The following HELZ variants were observed in gnomAD, a reference collection of about 807,000 sequenced individuals.
HELZ encodes helicase with zinc finger.
A neutral mutation model predicts 218.2 loss-of-function variants in HELZ; 23 were observed. That is an observed-to-expected ratio of 0.11 (90% confidence interval 0.08 to 0.15). HELZ has a LOEUF of 0.15. Ranked by LOEUF, HELZ falls within the 10% of genes least tolerant of loss-of-function variation. HELZ has a pLI of 1.00. For missense variants in HELZ, 1,813 were observed against 2,353.7 expected, an observed-to-expected ratio of 0.77 and a Z score of 4.75; for synonymous variants, 814 against 829.4, an observed-to-expected ratio of 0.98 and a Z score of 0.32.
chr17:67,233,116 G>A (rs912551291), intron 3 of HELZ, among the ~76,000 whole-genome samples: 2 of 152,190 alleles, frequency 1.3e-5, no homozygotes, highest in Non-Finnish European at 2.9e-5. Flanking sequence ...CTTAGGCGAA[G>A]AAGCGAGACT....
intron 32 of HELZ, among the ~76,000 whole-genome samples, chr17:67,082,855 T>G (rs942480765): frequency 2.7e-5 from 4 of 149,994 alleles, no homozygotes; most frequent in African/African-American, 4.9e-5. Context: ...CTGTTTTTTT[T>G]TTTTGTTTTT....
chr17:67,206,560 T>C (rs2040301824), intron 5 of HELZ, among the ~76,000 whole-genome samples: 1 of 151,938 alleles, frequency 6.6e-6, no homozygotes, highest in Non-Finnish European at 1.5e-5. Context: ...GTTGAGTACA[T>C]ATTCTCTACT....
chr17:67,233,661 T>G (rs1037318997), intron 3 of HELZ, among the ~76,000 whole-genome samples: 1 of 152,180 alleles, frequency 6.6e-6, no homozygotes, highest in Non-Finnish European at 1.5e-5. Flanking sequence ...AAAATTCTGA[T>G]TTCAACTTTC....
At chr17:67,149,657 GT>G (rs1390353868) in intron 19 of HELZ, among the ~76,000 whole-genome samples, 1 of 152,018 alleles carries the variant, frequency 6.6e-6, no homozygotes, top group African/African-American at 2.4e-5. Flanking sequence ...AATTATAACA[GT>G]GACAGACTAT....
intron 2 of HELZ, among the ~76,000 whole-genome samples, chr17:67,241,244 AT>A (rs1279331406): frequency 1.3e-5 from 2 of 152,224 alleles, no homozygotes; most frequent in South Asian, 2.1e-4. Context: ...TTTGCTTATA[AT>A]TTTTTAAGTA....
Position 67,107,631 on chromosome 17 carries a change from T to C in HELZ, c.4779A>G (p.Glu1593=), listed in dbSNP as rs761016407. ...ATTGAGGTGGTGGCATTTCAGCTAGTTCCCGTGTTTCACTTTGATCACGAT... is the reference window on the plus strand; with the variant it reads ...ATTGAGGTGGTGGCATTTCAGCTAGCTCCCGTGTTTCACTTTGATCACGAT... ...LSHRDQSETR[E]LAEMPPPQSR... is the part of the protein sequence containing the mutation. Residue 1593 remains glutamate, a synonymous_variant, in exon 31 of 33, where the codon GAA becomes GAG. Coordinates refer to ENST00000358691, the MANE Select transcript of HELZ (RefSeq NM_014877.4). 1 of 1,614,140 alleles carries C rather than the reference T, an allele frequency of 6.2e-7. No individual in the cohort carries two copies. The highest frequency in any genetic ancestry group is 8.5e-7 in the Non-Finnish European group (1 of 1,180,006).
At chr17:67,200,976 G>A (rs2040153503) in intron 7 of HELZ, 153 bp downstream of exon 7, 1 of 677,774 alleles carries the variant, frequency 1.5e-6, no homozygotes, top group Non-Finnish European at 2.7e-6. Context: ...TGGGTTATGG[G>A]GGTTACGAGG....
intron 24 of HELZ, among the ~76,000 whole-genome samples, chr17:67,125,313 TATATA>T (rs1180971177): frequency 5.9e-5 from 2 of 34,074 alleles, no homozygotes; most frequent in Non-Finnish European, 1.3e-4. Flanking sequence ...TATATATATA[TATATA>T]TATATATATA....
intron 7 of HELZ, among the ~76,000 whole-genome samples, chr17:67,196,429 C>G (rs975819016): frequency 1.3e-5 from 2 of 152,192 alleles, no homozygotes; most frequent in African/African-American, 4.8e-5. Flanking sequence ...TCGTTATCAG[C>G]GATATACACA....
At chr17:67,182,971 C>T (rs1828237413) in intron 12 of HELZ, among the ~76,000 whole-genome samples, 1 of 152,044 alleles carries the variant, frequency 6.6e-6, no homozygotes, top group Non-Finnish European at 1.5e-5. Context: ...TTCTAAGTAC[C>T]CAGCACAAGG....
At chr17:67,131,628 G>A (rs976209148) in intron 23 of HELZ, among the ~76,000 whole-genome samples, 1 of 151,440 alleles carries the variant, frequency 6.6e-6, no homozygotes, top group Non-Finnish European at 1.5e-5. Flanking sequence ...CTGAAATCTT[G>A]ACTCTACCAT....
At chr17:67,223,093 A>AC (rs1166548064) in intron 3 of HELZ, among the ~76,000 whole-genome samples, 1 of 127,366 alleles carries the variant, frequency 7.9e-6, no homozygotes, top group Non-Finnish European at 1.7e-5. Context: ...TAAAAATACA[A>AC]AAAAAAAAAA....
At chr17:67,100,928 G>A (rs566014059) in intron 31 of HELZ, among the ~76,000 whole-genome samples, 3 of 151,772 alleles carry the variant, frequency 2.0e-5, no homozygotes, top group Admixed American at 1.3e-4. Flanking sequence ...GTGAACCCCC[G>A]TCTCTACTAA....
rs550914448 is a variant in HELZ, at chr17:67,099,832, T to C, written c.5241+7337A>G. Among the ~76,000 whole-genome samples, 21 of 149,278 alleles carry C rather than the reference T, an allele frequency of 1.4e-4. No homozygotes were observed. In the East Asian group the frequency reaches 3.7e-3, roughly 26 times the overall value. On this transcript the variant is annotated intron_variant, in intron 31 of 32. Transcript: ENST00000358691. ...ACCAAGTAAGAGCTAAATACACTAG[T>C]TGAAATTCTAAGTCTCATTAACGAT...
Position 67,108,212 on chromosome 17 carries a change from T to C in HELZ, c.4724+280A>G, listed in dbSNP as rs1330249562. Among the ~76,000 whole-genome samples, 1 of 152,214 alleles carries C rather than the reference T, an allele frequency of 6.6e-6. No individual in the cohort carries two copies. The highest frequency in any genetic ancestry group is 2.4e-5 in the African/African-American group (1 of 41,454). ...ACTAAATAAAAAAAGCTGCTCACAG[T>C]GATGGTATGTTTCTCTCGCAGAAAA... On this transcript the variant is annotated intron_variant, in intron 30 of 32. Coordinates refer to ENST00000358691, the MANE Select transcript of HELZ (RefSeq NM_014877.4). This position sits in a 1 kb window ranked among gnomAD's most constrained non-coding sequence, Gnocchi z 4.1.
At chr17:67,133,440 T>C (rs977992942) in intron 23 of HELZ, among the ~76,000 whole-genome samples, 1 of 152,232 alleles carries the variant, frequency 6.6e-6, no homozygotes, top group Non-Finnish European at 1.5e-5. Flanking sequence ...GGGTAATGGT[T>C]TCTTTAAAAA....
At position 67,180,252 on chromosome 17, in the gene HELZ, G is replaced by A. The variant is rs1051668172; in HGVS notation, c.1163-1326C>T. Among the ~76,000 whole-genome samples, 5 of 152,138 alleles carry A rather than the reference G, an allele frequency of 3.3e-5. No individual in the cohort carries two copies. In the South Asian group the frequency reaches 8.3e-4, roughly 25 times the overall value. On this transcript the variant is annotated intron_variant, in intron 12 of 32. Transcript: ENST00000358691. ...TAACCCCATCACGTTGGGAGGTCAA[G>A]GCAGGAGGATCGCTTGAGGTCAGGA...
rs891506885 is a variant in HELZ at position 67,178,825 on chromosome 17, T to C, written c.1264A>G (p.Thr422Ala). 1.2e-6 allele frequency: 2 copies of C among 1,613,756 alleles called. No homozygotes were observed. Among genetic ancestry groups the C allele is most frequent in the Non-Finnish European group, 8.5e-7 (1 of 1,179,736 alleles). The stretch of plus-strand genomic sequence containing the variant: ...ATAAGAAGGCTCTTCTCCAAATCAG[T>C]AGTTTCATTAGGTTCAAAATCTATA... ...TIIDFEPNETTDLEKSLLIRY... is the reference protein window; with the variant it reads ...TIIDFEPNETADLEKSLLIRY... The change falls in exon 13 of 33, where the codon ACT (threonine) becomes GCT (alanine). Residue 422 changes from threonine (T) to alanine (A), a missense_variant. Physicochemically the swap from Thr to Ala is moderately conservative, Grantham distance 58. Around this residue, in one of 4 missense-constraint regions of HELZ, gnomAD observed 714 missense variants for 1,029.2 expected, o/e 0.69. Coordinates refer to ENST00000358691, the MANE Select transcript of HELZ (RefSeq NM_014877.4).
chr17:67,150,021 A>T, intron 18 of HELZ, 36 bp from the exon 19 acceptor site: 3 of 1,270,056 alleles, frequency 2.4e-6, no homozygotes, highest in Non-Finnish European at 3.4e-6. Context: ...ATAGCACGCT[A>T]GAGCAGCAAC....
Sources: gnomAD v4.1 joint callset for allele counts (sites outside exome capture counted in the v4.1 genomes callset) on GRCh38, gnomAD v4.1.1 for gene constraint, gnomAD v4.1.1 regional missense constraint, Gnocchi (gnomAD v3.1) non-coding constraint, MANE v1.5 for transcripts, NCBI Gene and HGNC (gene_info 2026-07-23, HGNC 2026-07-21) for gene names.